WDR81: variants seen among roughly 807,000 people sequenced by gnomAD.
The protein encoded by WDR81 is WD repeat domain 81.
Under a neutral mutation model 140.8 loss-of-function variants are expected in WDR81, and 92 were observed. The ratio of observed to expected loss-of-function variants is 0.65; its 90% CI spans 0.55 to 0.78. WDR81 has a LOEUF of 0.78. WDR81 is among the 30% of genes least tolerant of loss of function. WDR81 has a pLI of 0.00. For synonymous variants in WDR81, 1,183 were observed against 1,156.4 expected (o/e 1.02, Z -0.47); for missense variants, 2,502 against 2,636.4 (o/e 0.95, Z 1.12).
chr17:1,726,575 G>A lies in WDR81; in HGVS notation c.1616G>A (p.Arg539Gln), dbSNP rs769339150. The A allele has an allele frequency of 1.7e-5, 27 of 1,550,176 alleles. No individual in the cohort carries two copies. Among genetic ancestry groups the A allele is most frequent in the Non-Finnish European group, 2.3e-5 (26 of 1,146,976 alleles). The part of the protein sequence containing the change: ...RALLESREVS[R>Q]DLHHWIDLTF... The stretch of plus-strand genomic sequence containing the variant: ...CTGCTGGAGAGCCGCGAGGTATCCC[G>A]GGACCTGCACCATTGGATCGACCTC... The change falls in exon 1 of 10, where the codon CGG (arginine) becomes CAG (glutamine). Residue 539 changes from arginine (R) to glutamine (Q), a missense_variant. Arg to Gln is a conservative substitution (Grantham distance 43). Coordinates refer to ENST00000409644, the MANE Select transcript of WDR81 (RefSeq NM_001163809.2).
Position 1,728,217 on chromosome 17 carries a change from A to G in WDR81, c.3258A>G (p.Gln1086=), listed in dbSNP as rs1381530048. The G allele has an allele frequency of 2.5e-6, 4 of 1,605,556 alleles. No homozygotes were observed. The highest frequency in any genetic ancestry group is 3.4e-6 in the Non-Finnish European group (4 of 1,174,408). Residue 1086 remains glutamine (Q), a synonymous_variant, in exon 1 of 10, where the codon CAA becomes CAG. Transcript: ENST00000409644. ...QADLPETEDF[Q]AGLYVTESPQ... is the part of the protein sequence containing the mutation. ...ACCTCCCTGAGACAGAGGACTTCCA[A>G]GCCGGGCTCTATGTGACTGAGTCTC...
chr17:1,720,708 T>C (rs1448479929), upstream of WDR81, among the ~76,000 whole-genome samples: 1 of 147,980 alleles, frequency 6.8e-6, no homozygotes, highest in African/African-American at 2.5e-5. Flanking sequence ...AAGGTTGCAG[T>C]GAGCCGAGAT....
At position 1,732,764 on chromosome 17, in the gene WDR81, C is replaced by T. The variant is rs561654383; in HGVS notation, c.4422C>T (p.Asp1474=). The T allele has an allele frequency of 4.2e-5, 67 of 1,613,116 alleles. 1 individual carries two copies. The South Asian group carries it at 5.1e-4, about 12-fold the overall frequency. ...QQRPVDPALL[D]ELQKVFTLEM... ...GGCCCGTGGACCCCGCCCTGCTGGA[C>T]GAGCTGCAGAAGGTGTTCACCCTGG... The change falls in exon 6 of 10, where the codon GAC becomes GAT. Residue 1474 remains aspartate, a synonymous_variant. Coordinates refer to ENST00000409644, the MANE Select transcript of WDR81 (RefSeq NM_001163809.2).
chr17:1,733,891 G>A lies in WDR81; in HGVS notation c.4854G>A (p.Leu1618=). The A allele has an allele frequency of 1.2e-6, 2 of 1,612,790 alleles. No homozygotes were observed. The highest frequency in any genetic ancestry group is 1.7e-6 in the Non-Finnish European group (2 of 1,179,952). ...TGCACGGGCTGAGCGGAAACTGGCT[G>A]GCGTACTGGCAGTACGAGATCGGCG... The part of the protein sequence containing the change: ...RSVHGLSGNW[L]AYWQYEIGVS... The change falls in exon 7 of 10, where the codon CTG becomes CTA. Residue 1618 remains leucine (L), a synonymous_variant. Transcript: ENST00000409644.
rs1177457044 is a variant in WDR81 at position 1,735,348 on chromosome 17, G to A, written c.5180-224G>A. Among the ~76,000 whole-genome samples, 1 of 152,178 alleles carries A rather than the reference G, an allele frequency of 6.6e-6. No individual in the cohort carries two copies. Among genetic ancestry groups the A allele is most frequent in the Non-Finnish European group, 1.5e-5 (1 of 68,038 alleles). On this transcript the variant is annotated intron_variant, in intron 7 of 9. Transcript: ENST00000409644. The surrounding 1 kb of genome is among the most constrained non-coding windows in gnomAD (Gnocchi z 4.2). The stretch of plus-strand genomic sequence containing the variant: ...GGAGGCTGAGGCAAGAGAATTGCTT[G>A]AACCTGGGAGGTGGAGGTTGCAGTG...
chr17:1,722,683 T>TTTTC (rs756539250), upstream of WDR81, among the ~76,000 whole-genome samples: 2 of 134,266 alleles, frequency 1.5e-5, no homozygotes, highest in Admixed American at 8.1e-5. Context: ...TTTTCTTTTC[T>TTTTC]TTTCTTTCTT....
chr17:1,730,221 C>T (rs528672422), intron 1 of WDR81, among the ~76,000 whole-genome samples, 159 bp from the exon 2 acceptor site: 2 of 149,348 alleles, frequency 1.3e-5, no homozygotes, highest in African/African-American at 2.4e-5. Flanking sequence ...GCACCTCTGC[C>T]GCTGTTACGT....
Position 1,737,627 on chromosome 17 carries a change from C to T in WDR81, c.5768C>T (p.Pro1923Leu), listed in dbSNP as rs769019756. ...RGTLTSLALL[P>L]TKRHLLLGSD... Reference sequence around the variant, plus strand: ...ACGCTCACCAGCCTGGCCTTGCTGCCCACTAAACGCCACCTCCTGCTGGGC... The same window carrying T: ...ACGCTCACCAGCCTGGCCTTGCTGCTCACTAAACGCCACCTCCTGCTGGGC... Residue 1923 changes from proline (P) to leucine (L), a missense_variant, in exon 10 of 10, where the codon CCC becomes CTC. By Grantham distance (98) the Pro-to-Leu change is moderately conservative (BLOSUM62 -3). This residue lies in a region of WDR81 where 1,737 missense variants were observed against 1,843.0 expected (regional missense o/e 0.94). Coordinates refer to ENST00000409644, the MANE Select transcript of WDR81 (RefSeq NM_001163809.2). The T allele has an allele frequency of 6.2e-7, 1 of 1,612,522 alleles. No individual in the cohort carries two copies. The highest frequency in any genetic ancestry group is 8.5e-7 in the Non-Finnish European group (1 of 1,179,966).
upstream of WDR81, among the ~76,000 whole-genome samples, chr17:1,721,174 A>G (rs1453863853): frequency 6.6e-6 from 1 of 152,148 alleles, no homozygotes; most frequent in Non-Finnish European, 1.5e-5. Context: ...ACTGTGGCTC[A>G]CGACTGTAAT....
chr17:1,731,259 G>T lies in WDR81; in HGVS notation c.4157+1G>T, dbSNP rs751273511. On this transcript the variant is annotated splice_donor_variant, in intron 4 of 9. Coordinates refer to ENST00000409644, the MANE Select transcript of WDR81 (RefSeq NM_001163809.2). LOFTEE classifies it high-confidence loss of function. ...GCTTCCTCACCTCCCTCGTCACGGG[G>T]TAGGCCTCTGCCCCAGCTGATGTAG... 22 of 1,612,494 alleles carry T rather than the reference G, an allele frequency of 1.4e-5. No homozygotes were observed.
Position 1,727,859 on chromosome 17 carries a change from T to C in WDR81, c.2900T>C (p.Ile967Thr). Residue 967 changes from isoleucine (I) to threonine (T), a missense_variant, in exon 1 of 10, where the codon ATT (isoleucine) becomes ACT (threonine). Transcript: ENST00000409644. ...NANKYLLKPL[I>T]GAYESPCQLH... ...AATAAGTACCTCCTGAAGCCGCTCA[T>C]TGGTGCCTACGAGAGCCCCTGCCAG... 2 of 1,550,720 alleles carry C rather than the reference T, an allele frequency of 1.3e-6. No homozygotes were observed. The highest frequency in any genetic ancestry group is 1.7e-6 in the Non-Finnish European group (2 of 1,147,064).
chr17:1,732,813 C>T lies in WDR81; in HGVS notation c.4471C>T (p.Pro1491Ser). The change falls in exon 6 of 10, where the codon CCC becomes TCC. Residue 1491 changes from proline (P) to serine (S), a missense_variant. By Grantham distance (74) the Pro-to-Ser change is moderately conservative (BLOSUM62 -1). Around this residue, in one of 3 missense-constraint regions of WDR81, gnomAD observed 1,737 missense variants for 1,843.0 expected, o/e 0.94. Transcript: ENST00000409644. ...GGAGATGGCATACACAATCTACGTGCCCTTCTCCTGCCTGTTGGGTACTGC... is the reference window on the plus strand; with the variant it reads ...GGAGATGGCATACACAATCTACGTGTCCTTCTCCTGCCTGTTGGGTACTGC... ...TLEMAYTIYV[P>S]FSCLLGDIIR... 6.2e-7 allele frequency: 1 copy of T among 1,610,474 alleles called. No homozygotes were observed. The highest frequency in any genetic ancestry group is 8.5e-7 in the Non-Finnish European group (1 of 1,178,404).
At position 1,728,343 on chromosome 17, in the gene WDR81, G is replaced by A. The variant is rs1219298868; in HGVS notation, c.3384G>A (p.Gly1128=). ...SLGEERAPDE[G]GAPVDKSSLR... is the part of the protein sequence containing the mutation. Reference sequence around the variant, plus strand: ...GTGAGGAGCGGGCTCCAGACGAGGGGGGTGCCCCCGTGGACAAGAGCAGCC... The same window carrying A: ...GTGAGGAGCGGGCTCCAGACGAGGGAGGTGCCCCCGTGGACAAGAGCAGCC... Residue 1128 remains glycine (G), a synonymous_variant, in exon 1 of 10, where the codon GGG becomes GGA. Coordinates refer to ENST00000409644, the MANE Select transcript of WDR81 (RefSeq NM_001163809.2). 3 of 1,612,914 alleles carry A rather than the reference G, an allele frequency of 1.9e-6. No individual in the cohort carries two copies. The South Asian group carries it at 3.3e-5, about 18-fold the overall frequency.
chr17:1,721,033 G>A (rs531182450), upstream of WDR81, among the ~76,000 whole-genome samples: 1 of 152,260 alleles, frequency 6.6e-6, no homozygotes, highest in Non-Finnish European at 1.5e-5. Flanking sequence ...CTCAATCTAG[G>A]TAAACTGAGA....
Position 1,727,823 on chromosome 17 carries a change from C to T in WDR81, c.2864C>T (p.Pro955Leu), listed in dbSNP as rs938205803. 3.2e-6 allele frequency: 5 copies of T among 1,550,484 alleles called. No homozygotes were observed. Among genetic ancestry groups the T allele is most frequent in the Non-Finnish European group, 4.4e-6 (5 of 1,147,018 alleles). Residue 955 changes from proline (P) to leucine (L), a missense_variant, in exon 1 of 10, where the codon CCC becomes CTC. Physicochemically the swap from Pro to Leu is moderately conservative, Grantham distance 98. Around this residue, in one of 3 missense-constraint regions of WDR81, gnomAD observed 1,737 missense variants for 1,843.0 expected, o/e 0.94. Transcript: ENST00000409644. ...GAGCCTGTTGCCAAGGCACTGGGCC[C>T]CAAAAATGCCAATAAGTACCTCCTG... Reference protein sequence around the residue: ...LFEPVAKALGPKNANKYLLKP... With the variant: ...LFEPVAKALGLKNANKYLLKP...
In WDR81 at chr17:1,726,263, C is replaced by T. The variant is rs977834728; in HGVS notation, c.1304C>T (p.Pro435Leu). 9.8e-6 allele frequency: 15 copies of T among 1,538,102 alleles called. No individual in the cohort carries two copies. Among genetic ancestry groups the T allele is most frequent in the African/African-American group, 5.5e-5 (4 of 72,938 alleles). Reference sequence around the variant, plus strand: ...GGCGGGGCGGGCGGCGGGGAACCCCCTCATGTTCCCCACCACATCTCAGAC... The same window carrying T: ...GGCGGGGCGGGCGGCGGGGAACCCCTTCATGTTCCCCACCACATCTCAGAC... ...VAGGAGGGEP[P>L]HVPHHISDVL... The change falls in exon 1 of 10, where the codon CCT (proline) becomes CTT (leucine). Residue 435 changes from proline to leucine, a missense_variant. Physicochemically the swap from Pro to Leu is moderately conservative, Grantham distance 98 (BLOSUM62 -3). Coordinates refer to ENST00000409644, the MANE Select transcript of WDR81 (RefSeq NM_001163809.2).
At chr17:1,716,982 C>A in intron 1 of WDR81, 1 of 407,716 alleles carries the variant, frequency 2.5e-6, no homozygotes, top group Non-Finnish European at 4.4e-6. Flanking sequence ...AGAAGAGCCC[C>A]CAGAGCCTCC....
chr17:1,730,611 G>A, intron 2 of WDR81, 124 bp downstream of exon 2: 1 of 1,406,372 alleles, frequency 7.1e-7, no homozygotes. Context: ...CCAGGTGCTG[G>A]GTCCCAGTCT....
intron 2 of WDR81, 46 bp from the exon 3 acceptor site, chr17:1,730,700 AGGCTACCCC>A (rs1915634810): frequency 1.3e-6 from 2 of 1,542,888 alleles, no homozygotes; most frequent in Non-Finnish European, 1.7e-6. Flanking sequence ...CTGCAGGGCC[AGGCTACCCC>A]CGGCCCTCCA....
Sources: allele counts gnomAD v4.1 joint callset (sites outside exome capture counted in the v4.1 genomes callset), GRCh38; gene constraint gnomAD v4.1.1; regional missense constraint gnomAD v4.1.1; non-coding constraint Gnocchi (gnomAD v3.1); transcripts MANE v1.5; gene names NCBI Gene and HGNC (gene_info 2026-07-23, HGNC 2026-07-21).